The following DYNC2H1 variants were observed in gnomAD, a reference collection of about 807,000 sequenced individuals.
DYNC2H1 encodes the protein dynein cytoplasmic 2 heavy chain 1, also known as cytoplasmic dynein 2 heavy chain 1.
Under a neutral mutation model 570.0 loss-of-function variants are expected in DYNC2H1, and 410 were observed. That is an observed-to-expected ratio of 0.72 (90% CI 0.66 to 0.78). The LOEUF (loss-of-function observed/expected upper bound fraction) is 0.78. Ranked by LOEUF, DYNC2H1 falls within the 30% of genes least tolerant of loss-of-function variation. The pLI is 0.00. For missense variants in DYNC2H1, 4,865 were observed against 5,046.4 expected, an observed-to-expected ratio of 0.96 and a Z score of 1.09; for synonymous variants, 1,688 against 1,677.6, an observed-to-expected ratio of 1.01 and a Z score of -0.15.
At chr11:103,454,523 T>C (rs1944720368) in intron 85 of DYNC2H1, among the ~76,000 whole-genome samples, 2 of 152,118 alleles carry the variant, frequency 1.3e-5, no homozygotes, top group African/African-American at 2.4e-5. Context: ...ATTTGTAAAG[T>C]GGGGATACTA....
intron 26 of DYNC2H1, among the ~76,000 whole-genome samples, chr11:103,158,027 A>G (rs1860911539): frequency 6.6e-6 from 1 of 152,230 alleles, no homozygotes; most frequent in African/African-American, 2.4e-5. Context: ...TTGCCCTGTT[A>G]GCCATTTTAA....
intron 53 of DYNC2H1, among the ~76,000 whole-genome samples, chr11:103,210,703 C>G (rs1211308460): frequency 6.6e-6 from 1 of 151,960 alleles, no homozygotes; most frequent in Non-Finnish European, 1.5e-5. Flanking sequence ...GAAAGTCATT[C>G]TGGTTAGAGT....
chr11:103,153,551 A>G, intron 22 of DYNC2H1, 43 bp downstream of exon 22: 3 of 1,459,368 alleles, frequency 2.1e-6, no homozygotes, highest in Non-Finnish European at 2.8e-6. Context: ...TTTTGAAAAA[A>G]CAATTTATAT....
At chr11:103,420,292 A>G (rs684544) in intron 84 of DYNC2H1, among the ~76,000 whole-genome samples, 84,400 of 151,926 alleles carry the variant, frequency 0.56, 24,093 homozygotes, top group East Asian at 0.72. Flanking sequence ...AAATGTAGAG[A>G]ACCTTAGTAA....
chr11:103,290,441 T>A (rs965013922), intron 75 of DYNC2H1, among the ~76,000 whole-genome samples: 1 of 152,226 alleles, frequency 6.6e-6, no homozygotes, highest in Non-Finnish European at 1.5e-5. Flanking sequence ...AGATAACTTT[T>A]ACTCATGTTT....
chr11:103,118,398 A>C (rs1281688794), intron 6 of DYNC2H1, among the ~76,000 whole-genome samples: 1 of 152,088 alleles, frequency 6.6e-6, no homozygotes, highest in East Asian at 1.9e-4. Flanking sequence ...GAAATATTTC[A>C]AACATATTAA....
At chr11:103,111,315 G>A (rs571103568) in intron 1 of DYNC2H1, among the ~76,000 whole-genome samples, 1 of 152,260 alleles carries the variant, frequency 6.6e-6, no homozygotes, top group Non-Finnish European at 1.5e-5. Flanking sequence ...TTTCACTTTA[G>A]ACTCTGTCAA....
intron 54 of DYNC2H1, among the ~76,000 whole-genome samples, chr11:103,215,004 TC>T (rs1863325112): frequency 6.6e-6 from 1 of 152,174 alleles, no homozygotes; most frequent in Non-Finnish European, 1.5e-5. Flanking sequence ...TGATTTTGTA[TC>T]CTGCAGCTTT....
At chr11:103,403,158 T>C (rs1942710902) in intron 84 of DYNC2H1, 1 of 152,052 alleles carries the variant, frequency 6.6e-6, no homozygotes, top group Admixed American at 6.6e-5. Flanking sequence ...AATTAGATGA[T>C]TGGAGGTTAG....
At chr11:103,339,144 GTC>G (rs952548693) in intron 82 of DYNC2H1, among the ~76,000 whole-genome samples, 3 of 152,016 alleles carry the variant, frequency 2.0e-5, no homozygotes, top group Admixed American at 6.6e-5. Flanking sequence ...CCCAGGCAGA[GTC>G]TCTTGCTCTT....
At chr11:103,312,268 T>C (rs1867625042) in intron 79 of DYNC2H1, among the ~76,000 whole-genome samples, 1 of 151,482 alleles carries the variant, frequency 6.6e-6, no homozygotes, top group Non-Finnish European at 1.5e-5. Context: ...TAAGCCCAGC[T>C]ACTCTGGAGG....
At chr11:103,124,499 A>C (rs1000081872) in intron 11 of DYNC2H1, among the ~76,000 whole-genome samples, 1 of 151,182 alleles carries the variant, frequency 6.6e-6, no homozygotes, top group Non-Finnish European at 1.5e-5. Context: ...TCCTAAAGGA[A>C]GGTGATGAAA....
chr11:103,335,907 G>A (rs2135472476), intron 82 of DYNC2H1, among the ~76,000 whole-genome samples: 1 of 152,224 alleles, frequency 6.6e-6, no homozygotes, highest in South Asian at 2.1e-4. Flanking sequence ...GGCCCAGGGA[G>A]GTTTTTATTT....
chr11:103,161,982 A>C (rs1462519881), intron 29 of DYNC2H1, among the ~76,000 whole-genome samples: 15 of 152,190 alleles, frequency 9.9e-5, no homozygotes, highest in Non-Finnish European at 4.4e-5. Context: ...GCAACATTTT[A>C]TTGGATATTG....
chr11:103,285,424 C>CTTTT (rs60667279), intron 73 of DYNC2H1, among the ~76,000 whole-genome samples: 3 of 137,006 alleles, frequency 2.2e-5, no homozygotes, highest in Non-Finnish European at 4.6e-5. Context: ...TTTTTCTTTT[C>CTTTT]TTTTTTTTTT....
intron 75 of DYNC2H1, among the ~76,000 whole-genome samples, chr11:103,295,707 G>A (rs191817497): frequency 6.6e-6 from 1 of 152,220 alleles, no homozygotes; most frequent in Non-Finnish European, 1.5e-5. Flanking sequence ...GTGCTGAATA[G>A]CAAGGGTCAT....
chr11:103,383,484 T>TTA (rs1941746950), intron 83 of DYNC2H1, among the ~76,000 whole-genome samples: 1 of 150,566 alleles, frequency 6.6e-6, no homozygotes, highest in African/African-American at 2.4e-5. Context: ...CTTTATTTTT[T>TTA]TTTTTTTGAG....
intron 40 of DYNC2H1, among the ~76,000 whole-genome samples, chr11:103,182,235 G>A (rs1288230994): frequency 1.3e-5 from 2 of 149,858 alleles, no homozygotes; most frequent in African/African-American, 2.4e-5. Context: ...TATGACATAT[G>A]TATATATAAT....
Position 103,280,266 on chromosome 11 carries a change from T to G in DYNC2H1, c.10696-82T>G. On this transcript the variant is annotated intron_variant, in intron 70 of 88. Transcript: ENST00000375735. The surrounding 1 kb of genome is among the most constrained non-coding windows in gnomAD (Gnocchi z 4.7). ...TCATATGAAGACAGAATAGAGATTT[T>G]TGTGTGCCAAATTTTAACGACTATG... is the stretch of plus-strand genomic sequence containing the variant. 1 of 1,381,716 alleles carries G rather than the reference T, an allele frequency of 7.2e-7. No homozygotes were observed. The highest frequency in any genetic ancestry group is 2.0e-5 in the Admixed American group (1 of 49,550). 85.6% of individuals were successfully genotyped at this position (1,381,716 alleles called of 1,614,324 possible). A position where few individuals can be genotyped will look rare whatever the true frequency, so the allele number is the denominator to read the frequency against.
Sources: allele counts gnomAD v4.1 joint callset (sites outside exome capture counted in the v4.1 genomes callset), GRCh38; gene constraint gnomAD v4.1.1; non-coding constraint Gnocchi (gnomAD v3.1); transcripts MANE v1.5; gene names NCBI Gene and HGNC (gene_info 2026-07-23, HGNC 2026-07-21).